FOXC1: variants seen among roughly 807,000 people sequenced by gnomAD.
The protein encoded by FOXC1 is forkhead box protein C1.
In FOXC1, 5 loss-of-function variants were observed where a neutral mutation model predicts 8.1. The observed-to-expected ratio is 0.62, with a 90% CI of 0.32 to 1.30. The LOEUF (loss-of-function observed/expected upper bound fraction) is 1.30, where lower values mean the gene tolerates loss of function less well. FOXC1 is among the 50% of genes most tolerant of loss of function. The pLI, the probability that FOXC1 is intolerant of heterozygous loss-of-function variation, is 0.05. For synonymous variants in FOXC1, 552 were observed against 417.2 expected (o/e 1.32, Z -3.94); for missense variants, 942 against 858.0 (o/e 1.10, Z -1.22).
rs1762513672 is a variant in FOXC1, at chr6:1,610,404, TG to T, written c.-36del. On this transcript the variant is annotated 5_prime_UTR_variant, in exon 1 of 1. Coordinates refer to ENST00000645831, the MANE Select transcript of FOXC1 (RefSeq NM_001453.3). ...CGGCGCGGCCCGGCCCGAGCGAGGG[TG>T]GGGGGCGGCGGGCGGCGCGGGGCGG... 13 of 1,133,928 alleles carry T rather than the reference TG, an allele frequency of 1.1e-5. No homozygotes were observed. The highest frequency in any genetic ancestry group is 8.7e-6 in the Non-Finnish European group (8 of 918,368). 70.2% of individuals were successfully genotyped at this position (1,133,928 alleles called of 1,614,324 possible).
rs1395068769 is a variant in FOXC1 at position 1,612,763 on chromosome 6, C to G, written c.*656C>G. On this transcript the variant is annotated 3_prime_UTR_variant, in exon 1 of 1. Coordinates refer to ENST00000645831, the MANE Select transcript of FOXC1 (RefSeq NM_001453.3). ...TATTAATCTTATTCTATCCTCTTTT[C>G]TTTCTTTTTGTTGAACATATTCATT... 9.5e-6 allele frequency: 2 copies of G among 211,616 alleles called. No homozygotes were observed. Among genetic ancestry groups the G allele is most frequent in the Non-Finnish European group, 2.1e-5 (2 of 95,338 alleles). 13.1% of individuals were successfully genotyped at this position (211,616 alleles called of 1,614,324 possible). A position where few individuals can be genotyped will look rare whatever the true frequency, so the allele number is the denominator to read the frequency against.
rs1462914042 is a variant in FOXC1, at chr6:1,611,693, CG to C, written c.1253del (p.Gly418AlafsTer27). The C allele has an allele frequency of 4.9e-6, 7 of 1,427,240 alleles. No individual in the cohort carries two copies. Among genetic ancestry groups the C allele is most frequent in the Admixed American group, 5.8e-5 (2 of 34,384 alleles). The allele number at this position is 1,427,240 out of a possible 1,614,324, so 88.4% of individuals were successfully genotyped here. On this transcript the variant is annotated frameshift_variant, in exon 1 of 1. Coordinates refer to ENST00000645831, the MANE Select transcript of FOXC1 (RefSeq NM_001453.3). LOFTEE classifies it high-confidence loss of function. This position sits in a 1 kb window ranked among gnomAD's most constrained non-coding sequence, Gnocchi z 7.1. ...GCGGGGGCCACTTGCAGGGCGCGCCCGGGGGCGCGGGCGGCTCGGCCGTGGA... is the reference window on the plus strand; with the variant it reads ...GCGGGGGCCACTTGCAGGGCGCGCCCGGGGCGCGGGCGGCTCGGCCGTGGA... ...ERGGHLQGAP[G>X]GAGGSAVDDP...
Position 1,610,548 on chromosome 6 carries a change from G to T in FOXC1, c.103G>T (p.Gly35Cys). The T allele has an allele frequency of 6.4e-7, 1 of 1,553,434 alleles. No individual in the cohort carries two copies. The highest frequency in any genetic ancestry group is 1.2e-5 in the South Asian group (1 of 85,758). ...CCGCGCGGCGGCCGCGGCGGCCGGG[G>T]GCGGCTACACCGCCATGCCGGCCCC... ...YYRAAAAAAGGGYTAMPAPMS... is the reference protein window; with the variant it reads ...YYRAAAAAAGCGYTAMPAPMS... The change falls in exon 1 of 1, where the codon GGC (glycine) becomes TGC (cysteine). Residue 35 changes from glycine (G) to cysteine (C), a missense_variant. Transcript: ENST00000645831.
At position 1,611,614 on chromosome 6, in the gene FOXC1, C is replaced by T; in HGVS notation, c.1169C>T (p.Ala390Val). 8.2e-7 allele frequency: 1 copy of T among 1,225,930 alleles called. No homozygotes were observed. The highest frequency in any genetic ancestry group is 1.0e-6 in the Non-Finnish European group (1 of 988,090). 75.9% of individuals were successfully genotyped at this position (1,225,930 alleles called of 1,614,324 possible). ...GAGAAGGAGGAGTYHCNLQAM... is the reference protein window; with the variant it reads ...GAGAAGGAGGVGTYHCNLQAM... ...GGGGCCGCGGGGGGCGCGGGCGGCG[C>T]CGGGACCTACCACTGCAACCTGCAA... The change falls in exon 1 of 1, where the codon GCC becomes GTC. Residue 390 changes from alanine to valine, a missense_variant. Ala to Val is a moderately conservative substitution (Grantham distance 64, BLOSUM62 0). Coordinates refer to ENST00000645831, the MANE Select transcript of FOXC1 (RefSeq NM_001453.3). The surrounding 1 kb of genome is among the most constrained non-coding windows in gnomAD (Gnocchi z 7.1).
chr6:1,611,804 C>G lies in FOXC1; in HGVS notation c.1359C>G (p.Gly453=), dbSNP rs985824070. 55 of 1,458,642 alleles carry G rather than the reference C, an allele frequency of 3.8e-5. No individual in the cohort carries two copies. The highest frequency in any genetic ancestry group is 3.7e-5 in the Non-Finnish European group (41 of 1,109,516). 90.4% of individuals were successfully genotyped at this position (1,458,642 alleles called of 1,614,324 possible). A position where few individuals can be genotyped will look rare whatever the true frequency, so the allele number is the denominator to read the frequency against. ...GTCACGGCGGCGGCGGCGGCGGCGG[C>G]GGGGGAGGCCAGGAGGCCGGCCACC... is the stretch of plus-strand genomic sequence containing the variant. ...SLSHGGGGGG[G]GGGQEAGHHP... The change falls in exon 1 of 1, where the codon GGC becomes GGG. Residue 453 remains glycine (G), a synonymous_variant. Coordinates refer to ENST00000645831, the MANE Select transcript of FOXC1 (RefSeq NM_001453.3). The surrounding 1 kb of genome is among the most constrained non-coding windows in gnomAD (Gnocchi z 7.1).
Position 1,610,976 on chromosome 6 carries a change from G to C in FOXC1, c.531G>C (p.Lys177Asn). 1 of 1,613,134 alleles carries C rather than the reference G, an allele frequency of 6.2e-7. No individual in the cohort carries two copies. Among genetic ancestry groups the C allele is most frequent in the Non-Finnish European group, 8.5e-7 (1 of 1,179,824 alleles). Residue 177 changes from lysine to asparagine, a missense_variant, in exon 1 of 1, where the codon AAG becomes AAC. By Grantham distance (94) the Lys-to-Asn change is moderately conservative (BLOSUM62 0). Around this residue, in one of 4 missense-constraint regions of FOXC1, gnomAD observed 726 missense variants for 599.6 expected, o/e 1.21. Transcript: ENST00000645831. ...FLRRRRRFKK[K>N]DAVKDKEEKD... Reference sequence around the variant, plus strand: ...GGCGGCGGCGGCGCTTCAAGAAGAAGGACGCGGTGAAGGACAAGGAGGAGA... The same window carrying C: ...GGCGGCGGCGGCGCTTCAAGAAGAACGACGCGGTGAAGGACAAGGAGGAGA...
chr6:1,611,589 G>T lies in FOXC1; in HGVS notation c.1144G>T (p.Gly382Trp). 8.6e-7 allele frequency: 1 copy of T among 1,161,384 alleles called. No homozygotes were observed. Among genetic ancestry groups the T allele is most frequent in the Non-Finnish European group, 1.1e-6 (1 of 947,614 alleles). The allele number at this position is 1,161,384 out of a possible 1,614,324, so 71.9% of individuals were successfully genotyped here. A position where few individuals can be genotyped will look rare whatever the true frequency, so the allele number is the denominator to read the frequency against. Residue 382 changes from glycine to tryptophan, a missense_variant, in exon 1 of 1, where the codon GGG becomes TGG. Gly to Trp is a radical substitution (Grantham distance 184). Around this residue, in one of 4 missense-constraint regions of FOXC1, gnomAD observed 726 missense variants for 599.6 expected, o/e 1.21. Transcript: ENST00000645831. The surrounding 1 kb of genome is among the most constrained non-coding windows in gnomAD (Gnocchi z 7.1). ...CTCGGGCGGCGGCGGCGGCGGCGCG[G>T]GGGCCGCGGGGGGCGCGGGCGGCGC... Reference protein sequence around the residue: ...GSSGGGGGGAGAAGGAGGAGT... With the variant: ...GSSGGGGGGAWAAGGAGGAGT...
rs1016962790 is a variant in FOXC1, at chr6:1,611,136, G to A, written c.691G>A (p.Gly231Ser). 1.2e-5 allele frequency: 17 copies of A among 1,427,020 alleles called. No individual in the cohort carries two copies. The highest frequency in any genetic ancestry group is 1.5e-5 in the African/African-American group (1 of 66,422). 88.4% of individuals were successfully genotyped at this position (1,427,020 alleles called of 1,614,324 possible). The change falls in exon 1 of 1, where the codon GGT (glycine) becomes AGT (serine). Residue 231 changes from glycine (G) to serine (S), a missense_variant. Coordinates refer to ENST00000645831, the MANE Select transcript of FOXC1 (RefSeq NM_001453.3). The surrounding 1 kb of genome is among the most constrained non-coding windows in gnomAD (Gnocchi z 7.1). ...CATCCAGGACATCAAGACCGAGAACGGTACGTGCCCCTCGCCGCCCCAGCC... is the reference window on the plus strand; with the variant it reads ...CATCCAGGACATCAAGACCGAGAACAGTACGTGCCCCTCGCCGCCCCAGCC... ...VRIQDIKTEN[G>S]TCPSPPQPLS...
In FOXC1 at chr6:1,611,640, G is replaced by T; in HGVS notation, c.1195G>T (p.Ala399Ser). 7.5e-7 allele frequency: 1 copy of T among 1,335,558 alleles called. No homozygotes were observed. The highest frequency in any genetic ancestry group is 9.5e-7 in the Non-Finnish European group (1 of 1,052,884). 82.7% of individuals were successfully genotyped at this position (1,335,558 alleles called of 1,614,324 possible). A position where few individuals can be genotyped will look rare whatever the true frequency, so the allele number is the denominator to read the frequency against. The change falls in exon 1 of 1, where the codon GCC becomes TCC. Residue 399 changes from alanine (A) to serine (S), a missense_variant. Ala to Ser is a moderately conservative substitution (Grantham distance 99). This residue lies in a region of FOXC1 where 726 missense variants were observed against 599.6 expected (regional missense o/e 1.21). Coordinates refer to ENST00000645831, the MANE Select transcript of FOXC1 (RefSeq NM_001453.3). This position sits in a 1 kb window ranked among gnomAD's most constrained non-coding sequence, Gnocchi z 7.1. Reference sequence around the variant, plus strand: ...CGGGACCTACCACTGCAACCTGCAAGCCATGAGCCTGTACGCGGCCGGCGA... The same window carrying T: ...CGGGACCTACCACTGCAACCTGCAATCCATGAGCCTGTACGCGGCCGGCGA... ...GAGTYHCNLQ[A>S]MSLYAAGERG...
chr6:1,611,723 C>T lies in FOXC1; in HGVS notation c.1278C>T (p.Asp426=), dbSNP rs1011576688. Residue 426 remains aspartate, a synonymous_variant, in exon 1 of 1, where the codon GAC becomes GAT. Transcript: ENST00000645831. The surrounding 1 kb of genome is among the most constrained non-coding windows in gnomAD (Gnocchi z 7.1). ...GCGCGGGCGGCTCGGCCGTGGACGA[C>T]CCCCTGCCCGACTACTCTCTGCCTC... ...PGGAGGSAVD[D]PLPDYSLPPV... is the part of the protein sequence containing the mutation. The T allele has an allele frequency of 6.1e-6, 9 of 1,464,832 alleles. No individual in the cohort carries two copies. The highest frequency in any genetic ancestry group is 4.9e-5 in the Admixed American group (2 of 40,632). 90.7% of individuals were successfully genotyped at this position (1,464,832 alleles called of 1,614,324 possible).
Position 1,613,294 on chromosome 6 carries a change from A to C in FOXC1, c.*1187A>C, listed in dbSNP as rs984253. On this transcript the variant is annotated 3_prime_UTR_variant, in exon 1 of 1. Coordinates refer to ENST00000645831, the MANE Select transcript of FOXC1 (RefSeq NM_001453.3). ...CCTGTGAGCCAGATGCTGAATAGAT[A>C]TTTTCCTATTATTTCAGTCCTTTAT... 1.7e-5 allele frequency: 4 copies of C among 230,874 alleles called. No individual in the cohort carries two copies. In the South Asian group the frequency reaches 7.5e-4, roughly 43 times the overall value. The allele number at this position is 230,874 out of a possible 1,614,324, so 14.3% of individuals were successfully genotyped here.
Position 1,612,294 on chromosome 6 carries a change from A to C in FOXC1, c.*187A>C. On this transcript the variant is annotated 3_prime_UTR_variant, in exon 1 of 1. Coordinates refer to ENST00000645831, the MANE Select transcript of FOXC1 (RefSeq NM_001453.3). ...CCAGCACCAGCACGAAGAAAACTCT[A>C]TTTTCTTAACCGATTAATTCAGAGC... 1.1e-6 allele frequency: 1 copy of C among 871,874 alleles called. No homozygotes were observed. Among genetic ancestry groups the C allele is most frequent in the South Asian group, 1.7e-5 (1 of 57,808 alleles). The allele number at this position is 871,874 out of a possible 1,614,324, so 54.0% of individuals were successfully genotyped here. A position where few individuals can be genotyped will look rare whatever the true frequency, so the allele number is the denominator to read the frequency against.
chr6:1,612,374 G>A lies in FOXC1; in HGVS notation c.*267G>A. ...AAACCCGTAAACTGTTTTATACAGA[G>A]ACAGCAAAATCTTGGTTTATTAAAG... On this transcript the variant is annotated 3_prime_UTR_variant, in exon 1 of 1. Transcript: ENST00000645831. 1 of 592,992 alleles carries A rather than the reference G, an allele frequency of 1.7e-6. No homozygotes were observed. Among genetic ancestry groups the A allele is most frequent in the Non-Finnish European group, 3.0e-6 (1 of 328,422 alleles). The allele number at this position is 592,992 out of a possible 1,614,324, so 36.7% of individuals were successfully genotyped here. A position where few individuals can be genotyped will look rare whatever the true frequency, so the allele number is the denominator to read the frequency against.
chr6:1,612,263 A>G lies in FOXC1; in HGVS notation c.*156A>G, dbSNP rs1762571612. On this transcript the variant is annotated 3_prime_UTR_variant, in exon 1 of 1. Transcript: ENST00000645831. ...GAACAGAATATCCCTCCAAAAATTC[A>G]GCTCACCAGCACCAGCACGAAGAAA... 1 of 1,137,540 alleles carries G rather than the reference A, an allele frequency of 8.8e-7. No homozygotes were observed. The highest frequency in any genetic ancestry group is 1.6e-5 in the African/African-American group (1 of 63,156). 70.5% of individuals were successfully genotyped at this position (1,137,540 alleles called of 1,614,324 possible). A position where few individuals can be genotyped will look rare whatever the true frequency, so the allele number is the denominator to read the frequency against.
chr6:1,610,889 G>A lies in FOXC1; in HGVS notation c.444G>A (p.Lys148=), dbSNP rs1393770293. The A allele has an allele frequency of 2.5e-6, 4 of 1,613,928 alleles. No individual in the cohort carries two copies. Among genetic ancestry groups the A allele is most frequent in the Non-Finnish European group, 3.4e-6 (4 of 1,180,014 alleles). Reference sequence around the variant, plus strand: ...CGCGCGACGACAAGAAGCCGGGCAAGGGCAGCTACTGGACGCTGGACCCGG... The same window carrying A: ...CGCGCGACGACAAGAAGCCGGGCAAAGGCAGCTACTGGACGCTGGACCCGG... ...KVPRDDKKPG[K]GSYWTLDPDS... is the part of the protein sequence containing the mutation. The change falls in exon 1 of 1, where the codon AAG becomes AAA. Residue 148 remains lysine (K), a synonymous_variant. Transcript: ENST00000645831.
At position 1,613,082 on chromosome 6, in the gene FOXC1, G is replaced by A; in HGVS notation, c.*975G>A. On this transcript the variant is annotated 3_prime_UTR_variant, in exon 1 of 1. Coordinates refer to ENST00000645831, the MANE Select transcript of FOXC1 (RefSeq NM_001453.3). ...TATTTTTCTAAACAGATTGGAGTTG[G>A]CATATAAACAAATACGTTTTCTCAC... is the stretch of plus-strand genomic sequence containing the variant. 1 of 237,360 alleles carries A rather than the reference G, an allele frequency of 4.2e-6. No homozygotes were observed. Among genetic ancestry groups the A allele is most frequent in the Non-Finnish European group, 9.0e-6 (1 of 111,564 alleles). The allele number at this position is 237,360 out of a possible 1,614,324, so 14.7% of individuals were successfully genotyped here.
rs555356900 is a variant in FOXC1, at chr6:1,611,632, A to G, written c.1187A>G (p.Asn396Ser). ...GGCGGCGCCGGGACCTACCACTGCA[A>G]CCTGCAAGCCATGAGCCTGTACGCG... is the stretch of plus-strand genomic sequence containing the variant. Reference protein sequence around the residue: ...GAGGAGTYHCNLQAMSLYAAG... With the variant: ...GAGGAGTYHCSLQAMSLYAAG... The change falls in exon 1 of 1, where the codon AAC (asparagine) becomes AGC (serine). Residue 396 changes from asparagine (N) to serine (S), a missense_variant. Asn to Ser is a conservative substitution (Grantham distance 46). Coordinates refer to ENST00000645831, the MANE Select transcript of FOXC1 (RefSeq NM_001453.3). This position sits in a 1 kb window ranked among gnomAD's most constrained non-coding sequence, Gnocchi z 7.1. The G allele has an allele frequency of 1.5e-6, 2 of 1,296,664 alleles. No homozygotes were observed. The highest frequency in any genetic ancestry group is 9.7e-7 in the Non-Finnish European group (1 of 1,032,298). 80.3% of individuals were successfully genotyped at this position (1,296,664 alleles called of 1,614,324 possible).
At position 1,610,413 on chromosome 6, in the gene FOXC1, G is replaced by C. The variant is rs1032861202; in HGVS notation, c.-33G>C. 5 of 1,191,284 alleles carry C rather than the reference G, an allele frequency of 4.2e-6. No individual in the cohort carries two copies. The highest frequency in any genetic ancestry group is 1.6e-5 in the African/African-American group (1 of 62,098). 73.8% of individuals were successfully genotyped at this position (1,191,284 alleles called of 1,614,324 possible). On this transcript the variant is annotated 5_prime_UTR_variant, in exon 1 of 1. Coordinates refer to ENST00000645831, the MANE Select transcript of FOXC1 (RefSeq NM_001453.3). Reference sequence around the variant, plus strand: ...CCGGCCCGAGCGAGGGTGGGGGGCGGCGGGCGGCGCGGGGCGGCGGCGAGC... The same window carrying C: ...CCGGCCCGAGCGAGGGTGGGGGGCGCCGGGCGGCGCGGGGCGGCGGCGAGC...
rs947423341 is a variant in FOXC1, at chr6:1,612,345, A to G, written c.*238A>G. Reference sequence around the variant, plus strand: ...CACCTCCACTTTGCCTTGTCTAAATAAACAAACCCGTAAACTGTTTTATAC... The same window carrying G: ...CACCTCCACTTTGCCTTGTCTAAATGAACAAACCCGTAAACTGTTTTATAC... On this transcript the variant is annotated 3_prime_UTR_variant, in exon 1 of 1. Transcript: ENST00000645831. 6.1e-6 allele frequency: 4 copies of G among 651,846 alleles called. No individual in the cohort carries two copies. Among genetic ancestry groups the G allele is most frequent in the Admixed American group, 3.0e-5 (1 of 33,854 alleles). 40.4% of individuals were successfully genotyped at this position (651,846 alleles called of 1,614,324 possible).
Sources: gnomAD v4.1 joint callset for allele counts on GRCh38, gnomAD v4.1.1 for gene constraint, gnomAD v4.1.1 regional missense constraint, Gnocchi (gnomAD v3.1) non-coding constraint, MANE v1.5 for transcripts, NCBI Gene and HGNC (gene_info 2026-07-23, HGNC 2026-07-21) for gene names.